The following CDH12 variants were observed in gnomAD, a reference collection of about 807,000 sequenced individuals.
CDH12 encodes the protein cadherin 12.
CDH12 carries 41 observed loss-of-function variants against 74.1 expected under a neutral mutation model. That is an observed-to-expected ratio of 0.55 (90% confidence interval 0.43 to 0.72). The LOEUF (loss-of-function observed/expected upper bound fraction) is 0.72. CDH12 is among the 30% of genes least tolerant of loss of function. The pLI, the probability that CDH12 is intolerant of heterozygous loss-of-function variation, is 0.00. For missense variants in CDH12, 945 were observed against 977.2 expected (o/e 0.97, Z 0.44); for synonymous variants, 399 against 355.0 (o/e 1.12, Z -1.39).
intron 1 of CDH12, among the ~76,000 whole-genome samples, chr5:22,691,166 A>T (rs1742063876): frequency 1.3e-5 from 2 of 152,214 alleles, no homozygotes; most frequent in African/African-American, 4.8e-5. Flanking sequence ...GTAACACTTC[A>T]AGCAGAAATA....
chr5:22,175,053 T>G (rs997268245), intron 4 of CDH12, among the ~76,000 whole-genome samples: 2 of 152,002 alleles, frequency 1.3e-5, no homozygotes, highest in African/African-American at 4.8e-5. Context: ...ATTAATGAAT[T>G]AAACTATGTA....
At chr5:22,663,102 A>C (rs925512262) in intron 1 of CDH12, among the ~76,000 whole-genome samples, 1 of 152,216 alleles carries the variant, frequency 6.6e-6, no homozygotes, top group African/African-American at 2.4e-5. Flanking sequence ...TGTTTTATGC[A>C]AATATATGCT....
At chr5:22,175,207 T>A (rs188895026) in intron 4 of CDH12, among the ~76,000 whole-genome samples, 1 of 152,016 alleles carries the variant, frequency 6.6e-6, no homozygotes. Context: ...TTTCTAAACA[T>A]GCCTGGTTTA....
chr5:21,848,430 C>A (rs1252679774), intron 7 of CDH12, among the ~76,000 whole-genome samples: 1 of 151,946 alleles, frequency 6.6e-6, no homozygotes, highest in African/African-American at 2.4e-5. Flanking sequence ...TTTCTGTTTT[C>A]AATTCCATAG....
intron 2 of CDH12, among the ~76,000 whole-genome samples, chr5:22,487,843 C>T (rs1746674825): frequency 6.6e-6 from 1 of 152,190 alleles, no homozygotes; most frequent in Non-Finnish European, 1.5e-5. Flanking sequence ...GAGAACTGTG[C>T]TTAATATTGG....
chr5:22,049,170 A>G (rs1030915727), intron 5 of CDH12, among the ~76,000 whole-genome samples: 4 of 152,142 alleles, frequency 2.6e-5, no homozygotes, highest in African/African-American at 9.7e-5. Flanking sequence ...ATTGATACAT[A>G]CATATGCTGG....
chr5:22,619,595 T>C (rs1737868025), intron 1 of CDH12, among the ~76,000 whole-genome samples: 1 of 152,108 alleles, frequency 6.6e-6, no homozygotes, highest in African/African-American at 2.4e-5. Flanking sequence ...AAAACTCATT[T>C]GCCTTGTCTA....
chr5:22,113,547 T>C (rs1744931932), intron 4 of CDH12, among the ~76,000 whole-genome samples: 1 of 152,090 alleles, frequency 6.6e-6, no homozygotes, highest in South Asian at 2.1e-4. Context: ...CCCACCTTTC[T>C]GGACCAAACC....
At chr5:22,666,351 A>G (rs1343260444) in intron 1 of CDH12, among the ~76,000 whole-genome samples, 17 of 133,890 alleles carry the variant, frequency 1.3e-4, no homozygotes, top group Admixed American at 1.8e-4. Flanking sequence ...GTGCAGTGGC[A>G]CGATCTCGGC....
intron 5 of CDH12, among the ~76,000 whole-genome samples, chr5:21,979,754 G>T (rs1757224901): frequency 6.6e-6 from 1 of 151,832 alleles, no homozygotes; most frequent in East Asian, 1.9e-4. Flanking sequence ...ACCAAAAGTT[G>T]CGTTCAACAA....
At position 22,731,879 on chromosome 5, in the gene CDH12, A is replaced by G. The variant is rs757348351; in HGVS notation, c.-523+121179T>C. On this transcript the variant is annotated intron_variant, in intron 1 of 14. Coordinates refer to ENST00000382254, the MANE Select transcript of CDH12 (RefSeq NM_004061.5). ...TCCTCTTAAATAATTAAAATTGCAT[A>G]GTTGAATTGCTTAAACATGAACTTA... Among the ~76,000 whole-genome samples, 9 of 151,890 alleles carry G rather than the reference A, an allele frequency of 5.9e-5. 1 individual carries two copies. The highest frequency in any genetic ancestry group is 5.9e-4 in the Admixed American group (9 of 15,190).
intron 6 of CDH12, among the ~76,000 whole-genome samples, chr5:21,962,932 C>T (rs1314815520): frequency 6.6e-6 from 1 of 152,096 alleles, no homozygotes; most frequent in Non-Finnish European, 1.5e-5. Context: ...GTTAACCCTG[C>T]TCAGGTATAG....
intron 2 of CDH12, among the ~76,000 whole-genome samples, chr5:22,432,969 C>T: frequency 6.6e-6 from 1 of 151,996 alleles, no homozygotes; most frequent in Non-Finnish European, 1.5e-5. Context: ...AAACTTGGGG[C>T]ACAAATTCAT....
At chr5:22,688,744 CA>C (rs1444830537) in intron 1 of CDH12, among the ~76,000 whole-genome samples, 1 of 150,492 alleles carries the variant, frequency 6.6e-6, no homozygotes. Context: ...TATAAAGCTA[CA>C]AAAAATAAAC....
chr5:22,157,914 T>C (rs1366846453), intron 4 of CDH12, among the ~76,000 whole-genome samples: 4 of 151,992 alleles, frequency 2.6e-5, no homozygotes, highest in Admixed American at 2.6e-4. Context: ...TCCAATATGT[T>C]TTTTTTTCCG....
At chr5:22,314,150 G>A (rs1351171067) in intron 3 of CDH12, among the ~76,000 whole-genome samples, 2 of 152,044 alleles carry the variant, frequency 1.3e-5, no homozygotes, top group Non-Finnish European at 1.5e-5. Flanking sequence ...TTATATATTC[G>A]ACTTGAAGTG....
chr5:22,145,843 G>T (rs1304002024), intron 4 of CDH12, among the ~76,000 whole-genome samples: 2 of 152,004 alleles, frequency 1.3e-5, no homozygotes, highest in African/African-American at 4.8e-5. Flanking sequence ...GAAAGAGAAG[G>T]TCTAAGTATT....
chr5:22,126,841 A>C (rs966048875), intron 4 of CDH12, among the ~76,000 whole-genome samples: 2 of 152,170 alleles, frequency 1.3e-5, no homozygotes, highest in African/African-American at 4.8e-5. Context: ...ATGTTAAGTA[A>C]ATGACCATTG....
intron 4 of CDH12, among the ~76,000 whole-genome samples, chr5:22,100,892 A>C (rs1468947332): frequency 6.6e-6 from 1 of 152,046 alleles, no homozygotes; most frequent in Non-Finnish European, 1.5e-5. Context: ...TTTATTTAGA[A>C]CTCATTCAAC....
Sources: allele counts gnomAD v4.1 joint callset (sites outside exome capture counted in the v4.1 genomes callset), GRCh38; gene constraint gnomAD v4.1.1; transcripts MANE v1.5; gene names NCBI Gene and HGNC (gene_info 2026-07-23, HGNC 2026-07-21).